The following RPRD1B variants were observed in gnomAD, a reference collection of about 807,000 sequenced individuals.
RPRD1B encodes the protein regulation of nuclear pre-mRNA domain-containing protein 1B.
Under a neutral mutation model 41.5 loss-of-function variants are expected in RPRD1B, and 11 were observed. The ratio of observed to expected loss-of-function variants is 0.27; its 90% CI spans 0.17 to 0.44. The LOEUF (loss-of-function observed/expected upper bound fraction) is 0.44. Ranked by LOEUF, RPRD1B falls within the 20% of genes least tolerant of loss-of-function variation. RPRD1B has a pLI of 1.00. For missense variants in RPRD1B, 248 were observed against 389.9 expected, an observed-to-expected ratio of 0.64 and a Z score of 3.06; for synonymous variants, 158 against 155.6, an observed-to-expected ratio of 1.02 and a Z score of -0.12.
chr20:38,077,285 C>T (rs1302291134), intron 6 of RPRD1B, among the ~76,000 whole-genome samples: 1 of 152,088 alleles, frequency 6.6e-6, no homozygotes, highest in Non-Finnish European at 1.5e-5. Context: ...TGATGGCCTA[C>T]CTCTAGATCT....
Position 38,040,452 on chromosome 20 carries a change from C to T in RPRD1B, c.169C>T (p.Leu57Phe). The change falls in exon 2 of 7, where the codon CTT becomes TTT. Residue 57 changes from leucine (L) to phenylalanine (F), a missense_variant. By Grantham distance (22) the Leu-to-Phe change is conservative. This residue lies in a region of RPRD1B where 47 missense variants were observed against 103.6 expected (regional missense o/e 0.45). Transcript: ENST00000373433. ...TTTTTCAGCCAAATCAAATAGAAAG[C>T]TTACTTTTCTGTATTTAGCGAATGA... ...ELRKAKSNRK[L>F]TFLYLANDVI... is the part of the protein sequence containing the mutation. 6.3e-7 allele frequency: 1 copy of T among 1,586,316 alleles called. No individual in the cohort carries two copies. The highest frequency in any genetic ancestry group is 8.5e-7 in the Non-Finnish European group (1 of 1,170,490).
At chr20:38,053,878 G>A (rs1182412379) in intron 3 of RPRD1B, among the ~76,000 whole-genome samples, 2 of 152,164 alleles carry the variant, frequency 1.3e-5, no homozygotes, top group Non-Finnish European at 2.9e-5. Flanking sequence ...AAGGATGTGT[G>A]CGTAAGTTAT....
chr20:38,076,905 C>CTTTTTTTTTTTTT (rs1568660539), intron 6 of RPRD1B, among the ~76,000 whole-genome samples: 2 of 95,194 alleles, frequency 2.1e-5, no homozygotes, highest in African/African-American at 8.2e-5. Flanking sequence ...TCATTCTGGA[C>CTTTTTTTTTTTTT]CTTTTTTTTT....
At position 38,042,430 on chromosome 20, in the gene RPRD1B, G is replaced by A. The variant is rs563159621; in HGVS notation, c.281+1866G>A. On this transcript the variant is annotated intron_variant, in intron 2 of 6. Coordinates refer to ENST00000373433, the MANE Select transcript of RPRD1B (RefSeq NM_021215.4). ...AAAGTAAATAGAAAGGGGTGGAAAA[G>A]GGGGTGGGCAACACCAGGGTTAAAA... Among the ~76,000 whole-genome samples the A allele has an allele frequency of 1.1e-4, 16 of 152,270 alleles. 1 individual carries two copies. In the South Asian group the frequency reaches 3.1e-3, roughly 30 times the overall value.
chr20:38,046,011 C>T (rs1012804379), intron 2 of RPRD1B, among the ~76,000 whole-genome samples: 2 of 152,238 alleles, frequency 1.3e-5, no homozygotes, highest in Admixed American at 6.5e-5. Context: ...CACATTCCCC[C>T]ATATACTTCA....
rs1309660403 is a variant in RPRD1B at position 38,033,787 on chromosome 20, C to T, written c.-161C>T. On this transcript the variant is annotated 5_prime_UTR_variant, in exon 1 of 7. Coordinates refer to ENST00000373433, the MANE Select transcript of RPRD1B (RefSeq NM_021215.4). ...GTGGCGGCGGCGCGGGCGGCTGTTA[C>T]TGCGGAGACCCATCCCCTCCCCCTT... is the stretch of plus-strand genomic sequence containing the variant. 1.4e-5 allele frequency: 9 copies of T among 661,280 alleles called. No homozygotes were observed. The highest frequency in any genetic ancestry group is 2.0e-5 in the Non-Finnish European group (8 of 407,338). 41.0% of individuals were successfully genotyped at this position (661,280 alleles called of 1,614,324 possible). A position where few individuals can be genotyped will look rare whatever the true frequency, so the allele number is the denominator to read the frequency against.
chr20:38,034,919 T>A (rs1021055677), intron 1 of RPRD1B, among the ~76,000 whole-genome samples: 4 of 152,256 alleles, frequency 2.6e-5, no homozygotes, highest in Admixed American at 1.3e-4. Flanking sequence ...TTAACCTGTC[T>A]GTGCCTTAAT....
chr20:38,062,066 A>G (rs2074303250), intron 5 of RPRD1B, among the ~76,000 whole-genome samples: 1 of 152,210 alleles, frequency 6.6e-6, no homozygotes, highest in Non-Finnish European at 1.5e-5. Context: ...TTACCGTGGA[A>G]GCAGAGGTTG....
At chr20:38,077,965 C>T (rs569914288) in intron 6 of RPRD1B, among the ~76,000 whole-genome samples, 1 of 152,160 alleles carries the variant, frequency 6.6e-6, no homozygotes, top group Admixed American at 6.5e-5. Flanking sequence ...CACTTGAGTC[C>T]AAGAGTTTGA....
chr20:38,079,590 A>G (rs1360546305), intron 6 of RPRD1B, among the ~76,000 whole-genome samples: 2 of 152,058 alleles, frequency 1.3e-5, no homozygotes, highest in South Asian at 2.1e-4. Flanking sequence ...ATTCCATGGT[A>G]TATATGTACT....
chr20:38,090,043 G>A lies in RPRD1B; in HGVS notation c.*168G>A. 7.0e-7 allele frequency: 1 copy of A among 1,423,256 alleles called. No individual in the cohort carries two copies. The highest frequency in any genetic ancestry group is 1.6e-5 in the South Asian group (1 of 63,092). 88.2% of individuals were successfully genotyped at this position (1,423,256 alleles called of 1,614,324 possible). A position where few individuals can be genotyped will look rare whatever the true frequency, so the allele number is the denominator to read the frequency against. On this transcript the variant is annotated 3_prime_UTR_variant, in exon 7 of 7. Transcript: ENST00000373433. ...TCTCCTCTTCAGCCTCTCATCTTGA[G>A]CACAGTTCAGAACAGTGGCGACTGG...
At chr20:38,080,782 C>G (rs1036201252) in intron 6 of RPRD1B, among the ~76,000 whole-genome samples, 3 of 152,192 alleles carry the variant, frequency 2.0e-5, no homozygotes, top group Non-Finnish European at 1.5e-5. Flanking sequence ...GCCTCAGCCT[C>G]CCAAAGTGCT....
At chr20:38,049,891 AC>A (rs1256422890) in intron 3 of RPRD1B, 2 of 469,458 alleles carry the variant, frequency 4.3e-6, no homozygotes, top group East Asian at 1.4e-4. Flanking sequence ...TTCCTCACTT[AC>A]ACTGTATTCT....
At chr20:38,087,452 CT>C (rs1600447183) in intron 6 of RPRD1B, among the ~76,000 whole-genome samples, 1 of 152,222 alleles carries the variant, frequency 6.6e-6, no homozygotes, top group East Asian at 1.9e-4. Flanking sequence ...TCAAATTGTT[CT>C]TGAGGGACTC....
chr20:38,077,942 G>A (rs2074479402), intron 6 of RPRD1B, among the ~76,000 whole-genome samples: 1 of 152,132 alleles, frequency 6.6e-6, no homozygotes, highest in African/African-American at 2.4e-5. Flanking sequence ...TTGGGAGGCT[G>A]AGGCAGGCGG....
chr20:38,046,091 G>A (rs779025286), intron 2 of RPRD1B, among the ~76,000 whole-genome samples: 9 of 152,184 alleles, frequency 5.9e-5, no homozygotes, highest in East Asian at 1.9e-4. Flanking sequence ...AGAAGAGATA[G>A]CATGAACAAA....
chr20:38,078,225 A>G (rs557859040), intron 6 of RPRD1B, among the ~76,000 whole-genome samples: 2 of 150,420 alleles, frequency 1.3e-5, no homozygotes, highest in Middle Eastern at 3.6e-3. Context: ...CCTGTGCCCT[A>G]TGACTTGGCC....
At chr20:38,049,387 T>TTTTTTTTTA (rs2074158736) in intron 3 of RPRD1B, among the ~76,000 whole-genome samples, 1 of 147,010 alleles carries the variant, frequency 6.8e-6, no homozygotes, top group Non-Finnish European at 1.5e-5. Flanking sequence ...TTTTTTTTTT[T>TTTTTTTTTA]TGAGACAGAG....
chr20:38,068,601 T>C (rs2074381947), intron 6 of RPRD1B, among the ~76,000 whole-genome samples: 1 of 152,168 alleles, frequency 6.6e-6, no homozygotes, highest in African/African-American at 2.4e-5. Context: ...AGTTTCACCA[T>C]ATTGGCCAGG....
Sources: gnomAD v4.1 joint callset for allele counts (sites outside exome capture counted in the v4.1 genomes callset) on GRCh38, gnomAD v4.1.1 for gene constraint, gnomAD v4.1.1 regional missense constraint, MANE v1.5 for transcripts, NCBI Gene and HGNC (gene_info 2026-07-23, HGNC 2026-07-21) for gene names.